SLC37A3: variants seen among roughly 807,000 people sequenced by gnomAD.
The protein encoded by SLC37A3 is solute carrier family 37 member 3, also known as sugar phosphate exchanger 3.
SLC37A3 carries 51 observed loss-of-function variants against 67.1 expected under a neutral mutation model. The ratio of observed to expected loss-of-function variants is 0.76; its 90% confidence interval spans 0.61 to 0.96. SLC37A3 has a LOEUF of 0.96. Among genes scored for constraint, SLC37A3 ranks in the 40% least tolerant of loss-of-function variants. The pLI, the probability that SLC37A3 is intolerant of heterozygous loss-of-function variation, is 0.00. For missense variants in SLC37A3, 508 were observed against 603.0 expected, an observed-to-expected ratio of 0.84 and a Z score of 1.65; for synonymous variants, 214 against 231.4, an observed-to-expected ratio of 0.92 and a Z score of 0.68.
intron 10 of SLC37A3, 107 bp downstream of exon 10, chr7:140,348,519 G>T (rs1363138768): frequency 1.6e-6 from 2 of 1,239,794 alleles, no homozygotes; most frequent in African/African-American, 1.6e-5. Context: ...AGGGAAAATG[G>T]CTGTAGAATA....
Position 140,343,478 on chromosome 7 carries a change from A to G in SLC37A3, c.1260T>C (p.Ser420=). 6.2e-7 allele frequency: 1 copy of G among 1,614,112 alleles called. No individual in the cohort carries two copies. The highest frequency in any genetic ancestry group is 8.5e-7 in the Non-Finnish European group (1 of 1,179,998). The change falls in exon 13 of 15, where the codon AGT becomes AGC. Residue 420 remains serine (S), a synonymous_variant. Coordinates refer to ENST00000326232, the MANE Select transcript of SLC37A3 (RefSeq NM_207113.3). ...TTCCTGTGACAGTGGCCAAAGCTTC[A>G]CTGCTCCTTTGGATGAGCTCCTGGC... ...LGRQELIQRS[S]EALATVTGIV... is the part of the protein sequence containing the mutation.
At chr7:140,391,793 A>G (rs1798735987) in intron 1 of SLC37A3, among the ~76,000 whole-genome samples, 1 of 152,194 alleles carries the variant, frequency 6.6e-6, no homozygotes, top group Non-Finnish European at 1.5e-5. Flanking sequence ...CTCAGCTGAT[A>G]GAAAAATGCA....
intron 3 of SLC37A3, 77 bp downstream of exon 3, chr7:140,380,205 A>G: frequency 1.2e-6 from 1 of 831,588 alleles, no homozygotes; most frequent in Non-Finnish European, 1.9e-6. Context: ...TAAAAGATGC[A>G]AAAAAGAGCT....
In SLC37A3 at chr7:140,361,275, G is replaced by C. The variant is rs1231022933; in HGVS notation, c.376-2490C>G. Reference sequence around the variant, plus strand: ...AGGTGGGCGGATCACCTGAGGTCGGGAGTTCGAGACCAGCCTGACCAACAT... The same window carrying C: ...AGGTGGGCGGATCACCTGAGGTCGGCAGTTCGAGACCAGCCTGACCAACAT... On this transcript the variant is annotated intron_variant, in intron 5 of 14. Transcript: ENST00000326232. Among the ~76,000 whole-genome samples the C allele has an allele frequency of 5.3e-5, 8 of 151,534 alleles. 1 individual carries two copies. Among genetic ancestry groups the C allele is most frequent in the East Asian group, 3.9e-4 (2 of 5,114 alleles).
At chr7:140,369,719 G>C in intron 3 of SLC37A3, 37 bp from the exon 4 acceptor site, 1 of 1,555,734 alleles carries the variant, frequency 6.4e-7, no homozygotes, top group Middle Eastern at 1.7e-4. Flanking sequence ...AGTCCCTGTA[G>C]AATCTGCCAG....
chr7:140,378,410 C>T (rs1046765356), intron 3 of SLC37A3, among the ~76,000 whole-genome samples: 1 of 152,146 alleles, frequency 6.6e-6, no homozygotes, highest in East Asian at 1.9e-4. Flanking sequence ...GGTTAGGGTA[C>T]GTGATCTCTC....
At chr7:140,336,085 C>T (rs1190459235) in intron 14 of SLC37A3, among the ~76,000 whole-genome samples, 2 of 152,228 alleles carry the variant, frequency 1.3e-5, no homozygotes, top group African/African-American at 2.4e-5. Flanking sequence ...CTGAATGCGT[C>T]CCTGGTGCCT....
chr7:140,363,393 T>C lies in SLC37A3; in HGVS notation c.375+1015A>G, dbSNP rs375536027. On this transcript the variant is annotated intron_variant, in intron 5 of 14. Coordinates refer to ENST00000326232, the MANE Select transcript of SLC37A3 (RefSeq NM_207113.3). ...GGGATCCTGTTGATCTGTGACCTTA[T>C]CCCCAACCCTGTGCTCTCTGAAACA... 5.9e-4 allele frequency among the ~76,000 whole-genome samples: 49 copies of C among 82,688 alleles called. 1 individual carries two copies. In the East Asian group the frequency reaches 7.9e-3, roughly 13 times the overall value. 54.2% of individuals were successfully genotyped at this position (82,688 alleles called of 152,430 possible).
At chr7:140,362,715 C>T (rs1377966278) in intron 5 of SLC37A3, among the ~76,000 whole-genome samples, 1 of 75,626 alleles carries the variant, frequency 1.3e-5, no homozygotes, top group Non-Finnish European at 2.7e-5. Context: ...CCGCCCAGTC[C>T]GGGAGGGAGG....
chr7:140,363,008 C>T (rs1411351727), intron 5 of SLC37A3, among the ~76,000 whole-genome samples: 5 of 91,168 alleles, frequency 5.5e-5, no homozygotes, highest in African/African-American at 1.2e-4. Flanking sequence ...TCTGCCCGGC[C>T]GCCCCTAATG....
chr7:140,368,421 G>A (rs1043340807), intron 4 of SLC37A3, among the ~76,000 whole-genome samples: 31 of 152,024 alleles, frequency 2.0e-4, no homozygotes, highest in African/African-American at 7.0e-4. Context: ...CACAAAATTA[G>A]CCGGGCGTGG....
intron 6 of SLC37A3, among the ~76,000 whole-genome samples, chr7:140,356,574 T>G (rs911247547): frequency 1.3e-5 from 2 of 151,906 alleles, no homozygotes; most frequent in African/African-American, 4.8e-5. Flanking sequence ...TCCCAGCTAC[T>G]TGGGAGGCTG....
intron 5 of SLC37A3, among the ~76,000 whole-genome samples, chr7:140,360,303 A>C (rs1797213978): frequency 6.6e-6 from 1 of 152,134 alleles, no homozygotes; most frequent in Non-Finnish European, 1.5e-5. Context: ...ACACCGCTGC[A>C]CTCCAGCCTG....
chr7:140,345,512 A>AG (rs34764311), intron 11 of SLC37A3, among the ~76,000 whole-genome samples: 2 of 152,040 alleles, frequency 1.3e-5, no homozygotes, highest in African/African-American at 4.8e-5. Context: ...ATCTTAAGGG[A>AG]ATATACCAAA....
At position 140,342,563 on chromosome 7, in the gene SLC37A3, C is replaced by T. The variant is rs149627448; in HGVS notation, c.1326+849G>A. On this transcript the variant is annotated intron_variant, in intron 13 of 14. Transcript: ENST00000326232. Reference sequence around the variant, plus strand: ...TTATCCATACAGATGACTCTCAGATCCATCTTTCTACAAAATTAGTACTCT... The same window carrying T: ...TTATCCATACAGATGACTCTCAGATTCATCTTTCTACAAAATTAGTACTCT... Among the ~76,000 whole-genome samples, 233 of 152,260 alleles carry T rather than the reference C, an allele frequency of 1.5e-3. 1 individual carries two copies. Among genetic ancestry groups the T allele is most frequent in the Middle Eastern group, 0.01 (3 of 294 alleles).
At chr7:140,395,922 T>C (rs1208865749) in intron 1 of SLC37A3, among the ~76,000 whole-genome samples, 1 of 151,726 alleles carries the variant, frequency 6.6e-6, no homozygotes, top group Non-Finnish European at 1.5e-5. Flanking sequence ...TAAAGAAGAA[T>C]GTGGGAAATT....
At chr7:140,345,158 T>A in intron 12 of SLC37A3, 58 bp downstream of exon 12, 1 of 1,481,946 alleles carries the variant, frequency 6.7e-7, no homozygotes, top group Non-Finnish European at 9.4e-7. Context: ...ACAGTTTCCC[T>A]TTTCCTCTGA....
intron 3 of SLC37A3, among the ~76,000 whole-genome samples, chr7:140,374,900 C>A (rs1797965742): frequency 6.6e-6 from 1 of 151,990 alleles, no homozygotes; most frequent in South Asian, 2.1e-4. Context: ...GTAATCCCAA[C>A]ACTTTGGGAG....
At chr7:140,392,307 T>A (rs763545441) in intron 1 of SLC37A3, among the ~76,000 whole-genome samples, 5 of 152,216 alleles carry the variant, frequency 3.3e-5, no homozygotes, top group Non-Finnish European at 5.9e-5. Flanking sequence ...TTCCTTATAG[T>A]CAACCAAGGT....
Sources: gnomAD v4.1 joint callset for allele counts (sites outside exome capture counted in the v4.1 genomes callset) on GRCh38, gnomAD v4.1.1 for gene constraint, MANE v1.5 for transcripts, NCBI Gene and HGNC (gene_info 2026-07-23, HGNC 2026-07-21) for gene names.